Variants in EXOC6B observed in about 807,000 individuals in gnomAD.
EXOC6B encodes exocyst complex component 6B.
In EXOC6B, 54 loss-of-function variants were observed where a neutral mutation model predicts 113.5. The ratio of observed to expected loss-of-function variants is 0.48; its 90% confidence interval spans 0.38 to 0.60. The LOEUF (loss-of-function observed/expected upper bound fraction) is 0.60. Ranked by LOEUF, EXOC6B falls within the 20% of genes least tolerant of loss-of-function variation. The pLI is 0.00. For synonymous variants in EXOC6B, 357 were observed against 339.0 expected, an observed-to-expected ratio of 1.05 and a Z score of -0.58; for missense variants, 797 against 977.5, an observed-to-expected ratio of 0.82 and a Z score of 2.46.
chr2:72,713,681 A>G (rs1234196897), intron 6 of EXOC6B, among the ~76,000 whole-genome samples: 1 of 151,484 alleles, frequency 6.6e-6, no homozygotes, highest in Non-Finnish European at 1.5e-5. Flanking sequence ...TTGTCAGACT[A>G]AAAATAATAA....
At position 72,387,183 on chromosome 2, in the gene EXOC6B, A is replaced by T. The variant is rs747919702; in HGVS notation, c.1981-7313T>A. ...CACAGTTATATAACTTATACAATAC[A>T]CCTTACTTAGGCACAGTGTATCTTT... is the stretch of plus-strand genomic sequence containing the variant. On this transcript the variant is annotated intron_variant, in intron 18 of 21. Coordinates refer to ENST00000272427, the MANE Select transcript of EXOC6B (RefSeq NM_015189.3). Among the ~76,000 whole-genome samples the T allele has an allele frequency of 1.3e-5, 2 of 152,230 alleles. 1 individual carries two copies. The highest frequency in any genetic ancestry group is 3.9e-4 in the East Asian group (2 of 5,182).
chr2:72,645,133 T>C (rs1239862259), intron 6 of EXOC6B, among the ~76,000 whole-genome samples: 1 of 152,060 alleles, frequency 6.6e-6, no homozygotes, highest in Non-Finnish European at 1.5e-5. Context: ...AAGTGGGGGT[T>C]GCAATCCTAG....
chr2:72,547,712 T>G (rs1702987555), intron 8 of EXOC6B, among the ~76,000 whole-genome samples: 1 of 152,158 alleles, frequency 6.6e-6, no homozygotes, highest in Non-Finnish European at 1.5e-5. Flanking sequence ...CAAATTGAGC[T>G]GGGTTTGAGG....
chr2:72,456,611 T>C (rs1314968536), intron 18 of EXOC6B, among the ~76,000 whole-genome samples: 1 of 152,154 alleles, frequency 6.6e-6, no homozygotes, highest in Admixed American at 6.6e-5. Context: ...TTCACCTATT[T>C]GCTGTATCCC....
intron 6 of EXOC6B, among the ~76,000 whole-genome samples, chr2:72,578,079 T>G (rs1704985823): frequency 6.6e-6 from 1 of 152,096 alleles, no homozygotes; most frequent in Non-Finnish European, 1.5e-5. Flanking sequence ...CTCAAATCAC[T>G]CTTTCTACTC....
chr2:72,824,674 G>C (rs1315074343), intron 1 of EXOC6B, among the ~76,000 whole-genome samples: 1 of 152,176 alleles, frequency 6.6e-6, no homozygotes, highest in Non-Finnish European at 1.5e-5. Context: ...ACTGTGCAAG[G>C]AGGGTAGGAT....
At chr2:72,363,339 C>A (rs1690432986) in intron 19 of EXOC6B, among the ~76,000 whole-genome samples, 1 of 152,076 alleles carries the variant, frequency 6.6e-6, no homozygotes, top group Non-Finnish European at 1.5e-5. Context: ...TAGTTACCAT[C>A]TGTAGAAAAC....
intron 20 of EXOC6B, among the ~76,000 whole-genome samples, chr2:72,277,286 A>G (rs1684860125): frequency 6.6e-6 from 1 of 152,174 alleles, no homozygotes; most frequent in Non-Finnish European, 1.5e-5. Context: ...ATGCAAATTT[A>G]TGATTTCCAA....
intron 8 of EXOC6B, among the ~76,000 whole-genome samples, chr2:72,544,534 C>T (rs1014980587): frequency 1.3e-5 from 2 of 151,990 alleles, no homozygotes; most frequent in Non-Finnish European, 2.9e-5. Context: ...TTAGGACGTG[C>T]TTGCTTCAAT....
chr2:72,754,618 T>TC (rs1029524241), intron 1 of EXOC6B, among the ~76,000 whole-genome samples: 5 of 146,364 alleles, frequency 3.4e-5, no homozygotes, highest in African/African-American at 1.2e-4. Context: ...TTTTTTTTCT[T>TC]TTTTTTTTTT....
intron 19 of EXOC6B, among the ~76,000 whole-genome samples, chr2:72,367,726 T>G (rs1408067826): frequency 6.6e-6 from 1 of 152,038 alleles, no homozygotes; most frequent in Non-Finnish European, 1.5e-5. Flanking sequence ...TTTGTGCACT[T>G]GGGAGAGGGA....
intron 18 of EXOC6B, among the ~76,000 whole-genome samples, chr2:72,410,934 C>T (rs562404794): frequency 6.6e-6 from 1 of 152,172 alleles, no homozygotes; most frequent in African/African-American, 2.4e-5. Flanking sequence ...ACAGGTGAGG[C>T]ACAGTGACTC....
chr2:72,691,831 A>C (rs1359524631), intron 6 of EXOC6B, among the ~76,000 whole-genome samples: 1 of 150,450 alleles, frequency 6.6e-6, no homozygotes, highest in Non-Finnish European at 1.5e-5. Flanking sequence ...ACGGGTGCCC[A>C]CCACCCCACC....
intron 20 of EXOC6B, among the ~76,000 whole-genome samples, chr2:72,191,918 A>C (rs775450650): frequency 2.0e-5 from 3 of 152,150 alleles, no homozygotes; most frequent in Non-Finnish European, 2.9e-5. Flanking sequence ...TATTCAAGCA[A>C]ACCATCCGGG....
intron 8 of EXOC6B, among the ~76,000 whole-genome samples, chr2:72,529,158 C>T (rs984388444): frequency 2.0e-5 from 3 of 152,092 alleles, no homozygotes; most frequent in African/African-American, 4.8e-5. Flanking sequence ...ACTTTCACCC[C>T]TAAATATAAA....
intron 1 of EXOC6B, among the ~76,000 whole-genome samples, chr2:72,793,617 C>T (rs960763612): frequency 6.6e-6 from 1 of 152,018 alleles, no homozygotes; most frequent in Non-Finnish European, 1.5e-5. Flanking sequence ...GACATTTGAA[C>T]GAGGCCTTGA....
chr2:72,681,279 A>G (rs960256572), intron 6 of EXOC6B, among the ~76,000 whole-genome samples: 4 of 152,170 alleles, frequency 2.6e-5, no homozygotes, highest in Admixed American at 6.5e-5. Context: ...TTATTTATCT[A>G]GCCAACTCAT....
intron 6 of EXOC6B, among the ~76,000 whole-genome samples, chr2:72,628,715 C>T (rs1672211679): frequency 6.6e-6 from 1 of 152,068 alleles, no homozygotes; most frequent in Non-Finnish European, 1.5e-5. Flanking sequence ...AGAAGAGGGC[C>T]CTCACCAGAA....
intron 1 of EXOC6B, among the ~76,000 whole-genome samples, chr2:72,824,022 TG>T (rs977729902): frequency 6.6e-6 from 1 of 151,788 alleles, no homozygotes; most frequent in Admixed American, 6.5e-5. Flanking sequence ...CATAAGGCAA[TG>T]GGGGTTGGTG....
Sources: allele counts gnomAD v4.1 joint callset (sites outside exome capture counted in the v4.1 genomes callset), GRCh38; gene constraint gnomAD v4.1.1; transcripts MANE v1.5; gene names NCBI Gene and HGNC (gene_info 2026-07-23, HGNC 2026-07-21).